Variants in ST6GALNAC5 observed in about 807,000 individuals in gnomAD.
ST6GALNAC5 encodes the protein ST6 N-acetylgalactosaminide alpha-2,6-sialyltransferase 5.
A neutral mutation model predicts 33.6 loss-of-function variants in ST6GALNAC5; 27 were observed. The ratio of observed to expected loss-of-function variants is 0.80; its 90% CI spans 0.59 to 1.11. ST6GALNAC5 has a LOEUF of 1.11. Among genes scored for constraint, ST6GALNAC5 ranks in the 50% least tolerant of loss-of-function variants. The pLI is 0.00. For synonymous variants in ST6GALNAC5, 194 were observed against 171.2 expected, an observed-to-expected ratio of 1.13 and a Z score of -1.04; for missense variants, 428 against 454.0, an observed-to-expected ratio of 0.94 and a Z score of 0.52.
intron 2 of ST6GALNAC5, among the ~76,000 whole-genome samples, chr1:77,015,543 T>C (rs1456602255): frequency 6.6e-6 from 1 of 152,310 alleles, no homozygotes; most frequent in East Asian, 1.9e-4. Context: ...AAAATTGTTC[T>C]AATTGTTTTA....
At chr1:76,986,524 G>T (rs540599911) in intron 2 of ST6GALNAC5, among the ~76,000 whole-genome samples, 9 of 152,308 alleles carry the variant, frequency 5.9e-5, no homozygotes, top group Admixed American at 4.6e-4. Flanking sequence ...ATAGATGCTA[G>T]AGGATGTGGA....
At chr1:76,921,528 A>T (rs546811946) in intron 2 of ST6GALNAC5, among the ~76,000 whole-genome samples, 1 of 152,210 alleles carries the variant, frequency 6.6e-6, no homozygotes, top group Non-Finnish European at 1.5e-5. Flanking sequence ...AGGGATTTCA[A>T]TACAAATTCT....
chr1:77,029,009 T>G (rs576151714), intron 2 of ST6GALNAC5, among the ~76,000 whole-genome samples: 7 of 152,240 alleles, frequency 4.6e-5, no homozygotes, highest in African/African-American at 1.7e-4. Context: ...TTTGGATACG[T>G]GGGTGGTGGT....
chr1:77,050,255 C>A lies in ST6GALNAC5; in HGVS notation c.672-3C>A, dbSNP rs1652175503. The A allele has an allele frequency of 6.2e-7, 1 of 1,613,086 alleles. No homozygotes were observed. The highest frequency in any genetic ancestry group is 8.5e-7 in the Non-Finnish European group (1 of 1,179,162). ...TTGCAGACTTAATTATTGTTCCTTC[C>A]AGGAAGATATCCAACACTTGGCTCA... is the stretch of plus-strand genomic sequence containing the variant. On this transcript the variant is annotated splice_polypyrimidine_tract_variant and splice_region_variant and intron_variant, in intron 3 of 4. Transcript: ENST00000477717.
At chr1:76,976,360 T>C (rs1439041114) in intron 2 of ST6GALNAC5, among the ~76,000 whole-genome samples, 6 of 152,212 alleles carry the variant, frequency 3.9e-5, no homozygotes, top group Non-Finnish European at 7.3e-5. Context: ...ACATCACTAT[T>C]CAGGAGTGAA....
rs1395017598 is a variant in ST6GALNAC5 at position 77,016,156 on chromosome 1, TCCCCTCCTCCTCCTCCTGTCCTC to T, written c.262-28033_262-28011del. Among the ~76,000 whole-genome samples, 19 of 10,984 alleles carry T rather than the reference TCCCCTCCTCCTCCTCCTGTCCTC, an allele frequency of 1.7e-3. 1 individual carries two copies. The highest frequency in any genetic ancestry group is 2.5e-3 in the Non-Finnish European group (15 of 5,942). The allele number at this position is 10,984 out of a possible 152,430, so 7.2% of individuals were successfully genotyped here. The stretch of plus-strand genomic sequence containing the variant: ...ATCTCCTCCCTCCCCTCCTGTATCT[TCCCCTCCTCCTCCTCCTGTCCTC>T]CCCCTCCTCCTCCTGTATCTCCTCC... On this transcript the variant is annotated intron_variant, in intron 2 of 4. Transcript: ENST00000477717.
In ST6GALNAC5 at chr1:76,868,036, G is replaced by T. The variant is rs999743570; in HGVS notation, c.15+346G>T. On this transcript the variant is annotated intron_variant, in intron 1 of 4. Transcript: ENST00000477717. The surrounding 1 kb of genome is among the most constrained non-coding windows in gnomAD (Gnocchi z 4.3). ...AGCCTGCCAAAAACTAAGAGGGACG[G>T]GGAGGGGGGACCTTTGCAGACTTTC... Among the ~76,000 whole-genome samples the T allele has an allele frequency of 1.3e-5, 2 of 152,178 alleles. No homozygotes were observed. The highest frequency in any genetic ancestry group is 2.9e-5 in the Non-Finnish European group (2 of 68,012).
intron 2 of ST6GALNAC5, among the ~76,000 whole-genome samples, chr1:76,871,982 T>C (rs1278299664): frequency 1.3e-5 from 2 of 151,848 alleles, no homozygotes; most frequent in African/African-American, 4.8e-5. Context: ...GATAACAAGA[T>C]TGCTTAGGTA....
intron 2 of ST6GALNAC5, among the ~76,000 whole-genome samples, chr1:76,887,093 C>T (rs1172278545): frequency 6.6e-6 from 1 of 152,214 alleles, no homozygotes; most frequent in East Asian, 1.9e-4. Flanking sequence ...GAGTCTCCAA[C>T]TCTCATATCC....
intron 2 of ST6GALNAC5, among the ~76,000 whole-genome samples, chr1:76,946,211 A>G (rs1354558402): frequency 1.3e-5 from 2 of 152,108 alleles, no homozygotes; most frequent in African/African-American, 2.4e-5. Flanking sequence ...GATGTAAATT[A>G]GACACCGAAA....
intron 2 of ST6GALNAC5, among the ~76,000 whole-genome samples, chr1:76,881,180 C>T (rs1358404140): frequency 6.6e-6 from 1 of 152,138 alleles, no homozygotes; most frequent in Non-Finnish European, 1.5e-5. Flanking sequence ...GAAGAACTCT[C>T]ATGGGAGTCA....
chr1:76,905,993 CATTAGCATGACCCAACTGCTTGAA>C lies in ST6GALNAC5; in HGVS notation c.261+37253_261+37276del, dbSNP rs542681158. 3.9e-5 allele frequency among the ~76,000 whole-genome samples: 6 copies of C among 152,228 alleles called. No homozygotes were observed. The East Asian group carries it at 1.2e-3, about 29-fold the overall frequency. ...TTCCCTGCTCCAGAAACATGCAGAA[CATTAGCATGACCCAACTGCTTGAA>C]AGCAAACAAGATGCTCTTGTCTTAA... On this transcript the variant is annotated intron_variant, in intron 2 of 4. Coordinates refer to ENST00000477717, the MANE Select transcript of ST6GALNAC5 (RefSeq NM_030965.3).
intron 2 of ST6GALNAC5, among the ~76,000 whole-genome samples, chr1:77,022,663 A>G (rs987004652): frequency 1.3e-5 from 2 of 152,230 alleles, no homozygotes; most frequent in Non-Finnish European, 2.9e-5. Flanking sequence ...TTGCATTTTA[A>G]CTTAAAAATT....
chr1:77,015,937 G>C (rs1440392697), intron 2 of ST6GALNAC5, among the ~76,000 whole-genome samples: 1 of 151,946 alleles, frequency 6.6e-6, no homozygotes, highest in African/African-American at 2.4e-5. Flanking sequence ...CTTGTAAGTA[G>C]CTTTCTCCTC....
chr1:76,994,261 A>C (rs1481238162), intron 2 of ST6GALNAC5, among the ~76,000 whole-genome samples: 1 of 152,230 alleles, frequency 6.6e-6, no homozygotes, highest in African/African-American at 2.4e-5. Context: ...AAATGGCTTG[A>C]TAGTTCATGT....
intron 4 of ST6GALNAC5, among the ~76,000 whole-genome samples, chr1:77,055,755 T>C (rs182678959): frequency 2.0e-5 from 3 of 152,304 alleles, no homozygotes; most frequent in Non-Finnish European, 2.9e-5. Context: ...CACTGATTGG[T>C]TTGTCCATCT....
Position 76,868,340 on chromosome 1 carries a change from T to C in ST6GALNAC5, c.16-157T>C, listed in dbSNP as rs1207898316. Among the ~76,000 whole-genome samples, 4 of 151,728 alleles carry C rather than the reference T, an allele frequency of 2.6e-5. No homozygotes were observed. Among genetic ancestry groups the C allele is most frequent in the African/African-American group, 9.7e-5 (4 of 41,264 alleles). On this transcript the variant is annotated intron_variant, in intron 1 of 4. Coordinates refer to ENST00000477717, the MANE Select transcript of ST6GALNAC5 (RefSeq NM_030965.3). The surrounding 1 kb of genome is among the most constrained non-coding windows in gnomAD (Gnocchi z 4.3). The stretch of plus-strand genomic sequence containing the variant: ...TCCCTTGCGATACGCTAGGGGACGG[T>C]GCTTTCTCTGTCCCAGTTGCGTGCG...
intron 2 of ST6GALNAC5, among the ~76,000 whole-genome samples, chr1:76,957,436 A>T (rs1557736599): frequency 6.6e-6 from 1 of 152,212 alleles, no homozygotes; most frequent in Non-Finnish European, 1.5e-5. Context: ...TGACCTCATC[A>T]TAATTTAATT....
chr1:76,879,058 A>G (rs2103038), intron 2 of ST6GALNAC5, among the ~76,000 whole-genome samples: 2,060 of 152,286 alleles, frequency 0.014, 49 homozygotes, highest in African/African-American at 0.046. Flanking sequence ...GAGAAGACCA[A>G]TTATAGGACT....
Sources: gnomAD v4.1 joint callset for allele counts (sites outside exome capture counted in the v4.1 genomes callset) on GRCh38, gnomAD v4.1.1 for gene constraint, Gnocchi (gnomAD v3.1) non-coding constraint, MANE v1.5 for transcripts, NCBI Gene and HGNC (gene_info 2026-07-23, HGNC 2026-07-21) for gene names.